The following NETO2 variants were observed in gnomAD, a reference collection of about 807,000 sequenced individuals.
NETO2 encodes the protein neuropilin and tolloid-like protein 2.
A neutral mutation model predicts 62.5 loss-of-function variants in NETO2; 28 were observed. The ratio of observed to expected loss-of-function variants is 0.45; its 90% CI spans 0.33 to 0.61. The LOEUF (loss-of-function observed/expected upper bound fraction) is 0.61, where lower values mean the gene tolerates loss of function less well. Ranked by LOEUF, NETO2 falls within the 20% of genes least tolerant of loss-of-function variation. The probability of loss-of-function intolerance (pLI) is 0.02; values close to 1 mark genes in which losing one functional copy is unlikely to be tolerated. For synonymous variants in NETO2, 214 were observed against 219.1 expected (o/e 0.98, Z 0.21); for missense variants, 548 against 643.2 (o/e 0.85, Z 1.60).
At chr16:47,097,267 C>T (rs1963445903) in intron 7 of NETO2, among the ~76,000 whole-genome samples, 2 of 152,232 alleles carry the variant, frequency 1.3e-5, no homozygotes, top group African/African-American at 4.8e-5. Context: ...GACGAAGATG[C>T]ACTGGCTAGA....
chr16:47,140,256 A>G (rs151093580), intron 1 of NETO2, among the ~76,000 whole-genome samples: 5 of 152,164 alleles, frequency 3.3e-5, no homozygotes, highest in African/African-American at 1.2e-4. Flanking sequence ...ACCTCTTAAG[A>G]TGCTCCTTTC....
Position 47,109,381 on chromosome 16 carries a change from AAC to A in NETO2, c.883+100_883+101del, listed in dbSNP as rs143403513. On this transcript the variant is annotated intron_variant, in intron 7 of 8. Transcript: ENST00000562435. ...AAAGAGCTGTAGTAAAACAAAAAAAAACATCCTAAAATAAATATTTTAAAAAA... is the reference window on the plus strand; with the variant it reads ...AAAGAGCTGTAGTAAAACAAAAAAAAATCCTAAAATAAATATTTTAAAAAA... 4,166 of 606,922 alleles carry A rather than the reference AAC, an allele frequency of 6.9e-3. 137 individuals carry two copies. The African/African-American group carries it at 0.07, about 10-fold the overall frequency. The allele number at this position is 606,922 out of a possible 1,614,324, so 37.6% of individuals were successfully genotyped here. A position where few individuals can be genotyped will look rare whatever the true frequency, so the allele number is the denominator to read the frequency against.
rs1284151398 is a variant in NETO2, at chr16:47,143,710, C to A, written c.-98G>T. ...GCGGCGGCGACGGCCCCACTCCGTC[C>A]CCATCGCCGGCCAGCAGCTGCCTCC... On this transcript the variant is annotated 5_prime_UTR_variant, in exon 1 of 9. Coordinates refer to ENST00000562435, the MANE Select transcript of NETO2 (RefSeq NM_018092.5). 2 of 1,202,292 alleles carry A rather than the reference C, an allele frequency of 1.7e-6. No individual in the cohort carries two copies. The highest frequency in any genetic ancestry group is 2.1e-6 in the Non-Finnish European group (2 of 966,688). The allele number at this position is 1,202,292 out of a possible 1,614,324, so 74.5% of individuals were successfully genotyped here.
chr16:47,090,727 T>G (rs1402448221), intron 7 of NETO2, among the ~76,000 whole-genome samples: 3 of 152,228 alleles, frequency 2.0e-5, no homozygotes, highest in African/African-American at 7.2e-5. Flanking sequence ...TATCTGCTGC[T>G]GCTTTCACAG....
intron 8 of NETO2, 31 bp downstream of exon 8, chr16:47,086,195 T>G (rs756308882): frequency 4.0e-6 from 5 of 1,248,594 alleles, no homozygotes; most frequent in Non-Finnish European, 5.9e-6. Context: ...CACTCTTTTC[T>G]CAAAAATGTT....
intron 4 of NETO2, among the ~76,000 whole-genome samples, chr16:47,126,700 G>A (rs560136033): frequency 6.6e-6 from 1 of 152,258 alleles, no homozygotes; most frequent in South Asian, 2.1e-4. Context: ...AGATGCTGAT[G>A]GAAAGGGAGG....
chr16:47,090,907 G>C (rs1286799341), intron 7 of NETO2, among the ~76,000 whole-genome samples: 3 of 152,094 alleles, frequency 2.0e-5, no homozygotes, highest in Non-Finnish European at 4.4e-5. Flanking sequence ...ACAATGGGTA[G>C]GCATGAACTG....
Position 47,078,361 on chromosome 16 carries a change from A to G in NETO2, c.*4860T>C, listed in dbSNP as rs1246266425. On this transcript the variant is annotated 3_prime_UTR_variant, in exon 9 of 9. Transcript: ENST00000562435. ...TTCAAGAGTCAAAATTCTTTTCTAT[A>G]AAATGCCAAATCTAGGATTAAGCAT... 1 of 152,230 alleles carries G rather than the reference A, an allele frequency of 6.6e-6. No homozygotes were observed. Among genetic ancestry groups the G allele is most frequent in the Non-Finnish European group, 1.5e-5 (1 of 68,042 alleles). 9.4% of individuals were successfully genotyped at this position (152,230 alleles called of 1,614,324 possible). A position where few individuals can be genotyped will look rare whatever the true frequency, so the allele number is the denominator to read the frequency against.
intron 4 of NETO2, among the ~76,000 whole-genome samples, chr16:47,124,994 G>A (rs981174650): frequency 3.3e-5 from 5 of 151,218 alleles, no homozygotes; most frequent in Non-Finnish European, 7.4e-5. Context: ...AGGAAAAAGA[G>A]CTACTTGACT....
At chr16:47,124,065 G>A (rs1964101455) in intron 4 of NETO2, among the ~76,000 whole-genome samples, 1 of 151,974 alleles carries the variant, frequency 6.6e-6, no homozygotes, top group Admixed American at 6.6e-5. Context: ...TAAAACTGTT[G>A]TTTTTAATTC....
chr16:47,090,443 T>C (rs7186492), intron 7 of NETO2, among the ~76,000 whole-genome samples: 20,607 of 152,170 alleles, frequency 0.14, 3,137 homozygotes, highest in African/African-American at 0.38. Context: ...AATAATAAAA[T>C]GATTGAACTA....
intron 1 of NETO2, among the ~76,000 whole-genome samples, chr16:47,134,374 G>A (rs79789241): frequency 5.2e-4 from 79 of 152,082 alleles, no homozygotes; most frequent in Non-Finnish European, 7.8e-4. Context: ...CTCACGTTAT[G>A]CTGAGATCTT....
chr16:47,101,337 G>A (rs149542383), intron 7 of NETO2, among the ~76,000 whole-genome samples: 13 of 152,268 alleles, frequency 8.5e-5, no homozygotes, highest in Non-Finnish European at 1.6e-4. Context: ...CATACTGAAT[G>A]GGCAAAAGCT....
chr16:47,097,722 T>C (rs1409404981), intron 7 of NETO2, among the ~76,000 whole-genome samples: 1 of 152,196 alleles, frequency 6.6e-6, no homozygotes, highest in Non-Finnish European at 1.5e-5. Flanking sequence ...CCATGCCTCC[T>C]GACTGGGAGA....
chr16:47,127,221 G>A (rs2151489061), intron 4 of NETO2, among the ~76,000 whole-genome samples: 1 of 152,276 alleles, frequency 6.6e-6, no homozygotes, highest in Admixed American at 6.5e-5. Context: ...TGTAAGCTTG[G>A]TGAAGACAGG....
At chr16:47,140,389 T>C (rs193071629) in intron 1 of NETO2, among the ~76,000 whole-genome samples, 73 of 152,320 alleles carry the variant, frequency 4.8e-4, no homozygotes, top group African/African-American at 1.7e-3. Flanking sequence ...GGATGGGTGG[T>C]ACCCCAAGAG....
chr16:47,137,918 T>C (rs1964392012), intron 1 of NETO2, among the ~76,000 whole-genome samples: 1 of 152,144 alleles, frequency 6.6e-6, no homozygotes, highest in South Asian at 2.1e-4. Context: ...GAGTGAAGGC[T>C]CTATAAATAC....
At chr16:47,085,051 AAAGG>A (rs1169824611) in intron 8 of NETO2, among the ~76,000 whole-genome samples, 4 of 152,176 alleles carry the variant, frequency 2.6e-5, no homozygotes, top group Non-Finnish European at 5.9e-5. Context: ...TTAGAGGATA[AAAGG>A]AAGATTACCT....
At chr16:47,093,947 A>G (rs952077899) in intron 7 of NETO2, among the ~76,000 whole-genome samples, 1 of 152,208 alleles carries the variant, frequency 6.6e-6, no homozygotes, top group African/African-American at 2.4e-5. Flanking sequence ...GTTTCTTTTC[A>G]TGACAATAGA....
Sources: gnomAD v4.1 joint callset for allele counts (sites outside exome capture counted in the v4.1 genomes callset) on GRCh38, gnomAD v4.1.1 for gene constraint, MANE v1.5 for transcripts, NCBI Gene and HGNC (gene_info 2026-07-23, HGNC 2026-07-21) for gene names.